ANO2: variants seen among roughly 807,000 people sequenced by gnomAD.
ANO2 encodes the protein anoctamin-2.
In ANO2, 101 loss-of-function variants were observed where a neutral mutation model predicts 124.2. The observed-to-expected ratio is 0.81, with a 90% confidence interval of 0.69 to 0.96. The LOEUF (loss-of-function observed/expected upper bound fraction) is 0.96. ANO2 is among the 40% of genes least tolerant of loss of function. ANO2 has a pLI of 0.00. For missense variants in ANO2, 1,293 were observed against 1,274.5 expected (o/e 1.01, Z -0.22); for synonymous variants, 486 against 482.5 (o/e 1.01, Z -0.09).
At chr12:5,786,843 G>T (rs1267708625) in intron 10 of ANO2, among the ~76,000 whole-genome samples, 1 of 152,236 alleles carries the variant, frequency 6.6e-6, no homozygotes, top group African/African-American at 2.4e-5. Flanking sequence ...AAATGATGGG[G>T]ACCAGGATTG....
At chr12:5,585,684 A>G (rs921034969) in intron 20 of ANO2, among the ~76,000 whole-genome samples, 3 of 152,224 alleles carry the variant, frequency 2.0e-5, no homozygotes, top group Admixed American at 6.5e-5. Context: ...GTGAAGGACA[A>G]TTATTCATTC....
At chr12:5,678,633 CT>C (rs1352197455) in intron 14 of ANO2, among the ~76,000 whole-genome samples, 1 of 152,110 alleles carries the variant, frequency 6.6e-6, no homozygotes, top group Non-Finnish European at 1.5e-5. Context: ...ATTAGAAGGG[CT>C]TGCAATTGGT....
Position 5,922,708 on chromosome 12 carries a change from A to T in ANO2, c.119T>A (p.Met40Lys). 6.3e-7 allele frequency: 1 copy of T among 1,596,518 alleles called. No homozygotes were observed. The highest frequency in any genetic ancestry group is 8.5e-7 in the Non-Finnish European group (1 of 1,172,908). The part of the protein sequence containing the change: ...GPKHGQQCLK[M>K]PGPRAPGLQG... ...CAGACCTGGGGCCCGGGGACCTGGCATCTTGAGACACTGCTGTCCATGTTT... is the reference window on the plus strand; with the variant it reads ...CAGACCTGGGGCCCGGGGACCTGGCTTCTTGAGACACTGCTGTCCATGTTT... Residue 40 changes from methionine (M) to lysine (K), a missense_variant, in exon 2 of 25, where the codon ATG becomes AAG. Coordinates refer to ENST00000682330, the MANE Select transcript of ANO2 (RefSeq NM_001364791.2).
At chr12:5,678,750 A>AT (rs1948363024) in intron 14 of ANO2, among the ~76,000 whole-genome samples, 1 of 152,322 alleles carries the variant, frequency 6.6e-6, no homozygotes. Context: ...CCTGATCAAC[A>AT]TTTTTTATCA....
intron 3 of ANO2, among the ~76,000 whole-genome samples, chr12:5,854,475 C>T (rs965112421): frequency 4.0e-5 from 6 of 149,252 alleles, no homozygotes; most frequent in Non-Finnish European, 7.4e-5. Flanking sequence ...ATGATTTTCA[C>T]GGAAATCTCA....
At chr12:5,868,889 G>A (rs1170370399) in intron 3 of ANO2, among the ~76,000 whole-genome samples, 3 of 152,300 alleles carry the variant, frequency 2.0e-5, no homozygotes, top group East Asian at 1.9e-4. Flanking sequence ...GGATATAAAT[G>A]AGAAGGGACC....
intron 16 of ANO2, among the ~76,000 whole-genome samples, chr12:5,633,966 T>C (rs1945870120): frequency 6.6e-6 from 1 of 152,124 alleles, no homozygotes; most frequent in South Asian, 2.1e-4. Flanking sequence ...GGCTCTCCAG[T>C]CAAACGCCTC....
At chr12:5,796,503 ACT>A (rs62763360) in intron 10 of ANO2, among the ~76,000 whole-genome samples, 21,627 of 151,202 alleles carry the variant, frequency 0.14, 2,023 homozygotes, top group African/African-American at 0.28. Context: ...ACAGAGACAC[ACT>A]CTCACACGAA....
chr12:5,853,929 A>C, intron 4 of ANO2, 114 bp downstream of exon 4: 1 of 229,434 alleles, frequency 4.4e-6, no homozygotes, highest in Non-Finnish European at 7.9e-6. Context: ...TCCCTGGGGA[A>C]GCAAGTGTGA....
intron 14 of ANO2, among the ~76,000 whole-genome samples, chr12:5,704,129 G>T (rs1324622990): frequency 6.6e-6 from 1 of 152,100 alleles, no homozygotes; most frequent in Non-Finnish European, 1.5e-5. Context: ...AAAAGATTGG[G>T]TGTGGGGGTG....
chr12:5,770,142 A>G (rs912009586), intron 10 of ANO2, among the ~76,000 whole-genome samples: 1 of 152,268 alleles, frequency 6.6e-6, no homozygotes, highest in Non-Finnish European at 1.5e-5. Flanking sequence ...GCCACATGAC[A>G]GAAGCAGAGA....
intron 20 of ANO2, among the ~76,000 whole-genome samples, chr12:5,590,478 G>A (rs139738112): frequency 0.011 from 1,744 of 152,306 alleles, 34 homozygotes; most frequent in African/African-American, 0.039. Flanking sequence ...AACAGTCAAG[G>A]GTATGAAGCC....
In ANO2 at chr12:5,659,887, C is replaced by T. The variant is rs1448670730; in HGVS notation, c.1546-12086G>A. On this transcript the variant is annotated intron_variant, in intron 14 of 24. Transcript: ENST00000682330. ...GATTGGGATTGGAGACGCCTCTCCC[C>T]AGTCACTCTCAAGGGAGGCCCTTTT... Among the ~76,000 whole-genome samples, 3 of 152,200 alleles carry T rather than the reference C, an allele frequency of 2.0e-5. No individual in the cohort carries two copies. The South Asian group carries it at 6.2e-4, about 32-fold the overall frequency.
At chr12:5,831,474 C>G (rs184111378) in intron 5 of ANO2, among the ~76,000 whole-genome samples, 10 of 152,248 alleles carry the variant, frequency 6.6e-5, no homozygotes, top group Admixed American at 4.6e-4. Context: ...GAAAGAGCAG[C>G]AAGCCACCAG....
chr12:5,819,352 A>G (rs1383098801), intron 7 of ANO2, among the ~76,000 whole-genome samples: 2 of 152,216 alleles, frequency 1.3e-5, no homozygotes, highest in East Asian at 3.8e-4. Flanking sequence ...TCTGGATAAC[A>G]GGCATGGGAA....
intron 14 of ANO2, among the ~76,000 whole-genome samples, chr12:5,664,349 A>G (rs1591845162): frequency 6.6e-6 from 1 of 151,970 alleles, no homozygotes; most frequent in Non-Finnish European, 1.5e-5. Flanking sequence ...CCATCTAACC[A>G]TCCATCCAGG....
chr12:5,704,093 T>C lies in ANO2; in HGVS notation c.1545+28427A>G, dbSNP rs529489928. Among the ~76,000 whole-genome samples, 4 of 152,100 alleles carry C rather than the reference T, an allele frequency of 2.6e-5. No individual in the cohort carries two copies. In the East Asian group the frequency reaches 7.7e-4, roughly 29 times the overall value. On this transcript the variant is annotated intron_variant, in intron 14 of 24. Coordinates refer to ENST00000682330, the MANE Select transcript of ANO2 (RefSeq NM_001364791.2). ...AAAAGGATGAGTGCTATTTTTGAGG[T>C]TTTTCACGCTTAGATCAAAAGAACA...
intron 1 of ANO2, among the ~76,000 whole-genome samples, chr12:5,935,586 T>C (rs1251462751): frequency 6.6e-6 from 1 of 152,172 alleles, no homozygotes; most frequent in Non-Finnish European, 1.5e-5. Context: ...ATGGCCACCA[T>C]ATCCCAAAGG....
intron 10 of ANO2, among the ~76,000 whole-genome samples, chr12:5,775,828 C>G (rs1485384838): frequency 6.6e-6 from 1 of 152,138 alleles, no homozygotes; most frequent in African/African-American, 2.4e-5. Flanking sequence ...GTGCAGAAAC[C>G]CTTCCTACCT....
Sources: gnomAD v4.1 joint callset for allele counts (sites outside exome capture counted in the v4.1 genomes callset) on GRCh38, gnomAD v4.1.1 for gene constraint, MANE v1.5 for transcripts, NCBI Gene and HGNC (gene_info 2026-07-23, HGNC 2026-07-21) for gene names.